Variants in PRKN observed in about 807,000 individuals in gnomAD.
PRKN encodes the protein E3 ubiquitin-protein ligase parkin.
A neutral mutation model predicts 59.5 loss-of-function variants in PRKN; 56 were observed. That is an observed-to-expected ratio of 0.94 (90% CI 0.76 to 1.18). PRKN has a LOEUF of 1.18. PRKN is among the 50% of genes most tolerant of loss of function. PRKN has a pLI of 0.00. For synonymous variants in PRKN, 250 were observed against 222.1 expected (o/e 1.13, Z -1.12); for missense variants, 657 against 596.4 (o/e 1.10, Z -1.06).
At chr6:162,307,362 T>C (rs1403620940) in intron 2 of PRKN, among the ~76,000 whole-genome samples, 1 of 149,236 alleles carries the variant, frequency 6.7e-6, no homozygotes. Context: ...ACCATGCCAC[T>C]GCGCTCCAGC....
At chr6:161,531,616 G>T (rs1351490848) in intron 9 of PRKN, among the ~76,000 whole-genome samples, 1 of 152,090 alleles carries the variant, frequency 6.6e-6, no homozygotes, top group East Asian at 1.9e-4. Flanking sequence ...CTCTTTAGGG[G>T]GCTTGTACGT....
intron 6 of PRKN, among the ~76,000 whole-genome samples, chr6:161,944,814 T>C (rs951225101): frequency 7.2e-5 from 11 of 152,228 alleles, no homozygotes; most frequent in African/African-American, 2.7e-4. Flanking sequence ...CAGCCCTTTT[T>C]CTCAGCCAGG....
intron 2 of PRKN, among the ~76,000 whole-genome samples, chr6:162,409,395 G>T (rs1788239164): frequency 6.6e-6 from 1 of 151,924 alleles, no homozygotes; most frequent in Non-Finnish European, 1.5e-5. Flanking sequence ...GGCTTAAAGT[G>T]ATCATCCAGC....
At chr6:161,973,203 C>A in intron 6 of PRKN, 99 bp downstream of exon 6, 2 of 819,158 alleles carry the variant, frequency 2.4e-6, no homozygotes, top group Non-Finnish European at 4.2e-6. Flanking sequence ...GCTCGTGTGG[C>A]AGAACAATAT....
chr6:162,546,345 C>T (rs369458335), intron 1 of PRKN, among the ~76,000 whole-genome samples: 11 of 152,046 alleles, frequency 7.2e-5, no homozygotes, highest in East Asian at 1.9e-4. Flanking sequence ...TCAAGTGATC[C>T]GCCTGCCTCG....
At chr6:161,887,717 C>A (rs1458093487) in intron 6 of PRKN, among the ~76,000 whole-genome samples, 3 of 152,162 alleles carry the variant, frequency 2.0e-5, no homozygotes, top group Non-Finnish European at 2.9e-5. Flanking sequence ...AAAAGTGCTA[C>A]TTGGACTTGT....
Position 161,518,124 on chromosome 6 carries a change from C to T in PRKN, c.1083+30730G>A, listed in dbSNP as rs1275032198. Among the ~76,000 whole-genome samples the T allele has an allele frequency of 6.6e-6, 1 of 152,180 alleles. No individual in the cohort carries two copies. The highest frequency in any genetic ancestry group is 1.5e-5 in the Non-Finnish European group (1 of 68,032). ...GATACCTTAGATGAAGGCCACTGGC[C>T]TGGGGATGGGGCCGGGGGCACTCAC... On this transcript the variant is annotated intron_variant, in intron 9 of 11. Coordinates refer to ENST00000366898, the MANE Select transcript of PRKN (RefSeq NM_004562.3). This position sits in a 1 kb window ranked among gnomAD's most constrained non-coding sequence, Gnocchi z 5.0.
intron 5 of PRKN, among the ~76,000 whole-genome samples, chr6:162,051,894 A>G (rs1338188536): frequency 6.6e-6 from 1 of 152,066 alleles, no homozygotes. Flanking sequence ...TCCTTGTCCC[A>G]TGGATTTTAA....
At chr6:161,748,011 A>G (rs1788505125) in intron 7 of PRKN, among the ~76,000 whole-genome samples, 1 of 152,142 alleles carries the variant, frequency 6.6e-6, no homozygotes, top group African/African-American at 2.4e-5. Flanking sequence ...GTGGCATTTG[A>G]GTCAGGTGTA....
At chr6:161,465,876 T>C (rs1157938640) in intron 9 of PRKN, among the ~76,000 whole-genome samples, 2 of 152,218 alleles carry the variant, frequency 1.3e-5, no homozygotes, top group African/African-American at 4.8e-5. Flanking sequence ...AGATCTTGGA[T>C]ACTCTGGTCT....
At chr6:162,224,031 C>T (rs957250320) in intron 3 of PRKN, among the ~76,000 whole-genome samples, 3 of 152,120 alleles carry the variant, frequency 2.0e-5, no homozygotes, top group African/African-American at 7.2e-5. Context: ...CCTTCCACCA[C>T]CACAATAAGC....
intron 7 of PRKN, among the ~76,000 whole-genome samples, chr6:161,616,658 G>C (rs138397441): frequency 7.9e-5 from 12 of 151,978 alleles, no homozygotes; most frequent in Non-Finnish European, 1.6e-4. Context: ...GAGAACATGT[G>C]GTGTTTGGTT....
chr6:161,419,062 G>T lies in PRKN; in HGVS notation c.1084-32185C>A, dbSNP rs1034454343. ...GATGTAAACACATCGTTTACATGAA[G>T]GACATGGAATTATAAGTTCACACAG... On this transcript the variant is annotated intron_variant, in intron 9 of 11. Coordinates refer to ENST00000366898, the MANE Select transcript of PRKN (RefSeq NM_004562.3). The surrounding 1 kb of genome is among the most constrained non-coding windows in gnomAD (Gnocchi z 4.1). Among the ~76,000 whole-genome samples, 2 of 152,174 alleles carry T rather than the reference G, an allele frequency of 1.3e-5. No individual in the cohort carries two copies. The highest frequency in any genetic ancestry group is 4.8e-5 in the African/African-American group (2 of 41,438).
chr6:161,482,347 G>T (rs552996924), intron 9 of PRKN, among the ~76,000 whole-genome samples: 17 of 152,248 alleles, frequency 1.1e-4, no homozygotes, highest in Admixed American at 9.2e-4. Context: ...AGCGTGCAGT[G>T]TTAGGTTCTG....
intron 6 of PRKN, among the ~76,000 whole-genome samples, chr6:161,818,569 A>T (rs1313559866): frequency 6.6e-6 from 1 of 152,028 alleles, no homozygotes; most frequent in African/African-American, 2.4e-5. Flanking sequence ...CCTGGACTAA[A>T]GCGATCCTCC....
At position 161,712,934 on chromosome 6, in the gene PRKN, T is replaced by C. The variant is rs1054136233; in HGVS notation, c.871+72838A>G. On this transcript the variant is annotated intron_variant, in intron 7 of 11. Coordinates refer to ENST00000366898, the MANE Select transcript of PRKN (RefSeq NM_004562.3). ...TGGACACCAACTGGGTATCCTATAA[T>C]TCAACTCGATTCTGATTCTACCTAC... 2.0e-5 allele frequency among the ~76,000 whole-genome samples: 3 copies of C among 152,196 alleles called. No individual in the cohort carries two copies. The East Asian group carries it at 5.8e-4, about 30-fold the overall frequency.
chr6:161,688,764 G>A (rs1049376993), intron 7 of PRKN, among the ~76,000 whole-genome samples: 1 of 152,168 alleles, frequency 6.6e-6, no homozygotes, highest in Non-Finnish European at 1.5e-5. Context: ...AGGTCCATGG[G>A]CTGAGGTGGG....
At chr6:162,331,644 T>C (rs571841259) in intron 2 of PRKN, among the ~76,000 whole-genome samples, 1 of 152,328 alleles carries the variant, frequency 6.6e-6, no homozygotes, top group South Asian at 2.1e-4. Flanking sequence ...TCTTTCTGAG[T>C]ATCATCACAT....
Position 162,722,776 on chromosome 6 carries a change from GA to G in PRKN, c.7+4885del, listed in dbSNP as rs1234967859. On this transcript the variant is annotated intron_variant, in intron 1 of 11. Coordinates refer to ENST00000366898, the MANE Select transcript of PRKN (RefSeq NM_004562.3). ...TTTCATTGTATCATTTTCAGGCAAT[GA>G]AACTATGAGGTTTCAAAAAATGCAG... 5.9e-5 allele frequency among the ~76,000 whole-genome samples: 9 copies of G among 152,196 alleles called. No homozygotes were observed. The East Asian group carries it at 1.7e-3, about 29-fold the overall frequency.
Sources: allele counts gnomAD v4.1 joint callset (sites outside exome capture counted in the v4.1 genomes callset), GRCh38; gene constraint gnomAD v4.1.1; non-coding constraint Gnocchi (gnomAD v3.1); transcripts MANE v1.5; gene names NCBI Gene and HGNC (gene_info 2026-07-23, HGNC 2026-07-21).